Variants in NOVA1 observed in about 807,000 individuals in gnomAD.
The protein encoded by NOVA1 is RNA-binding protein Nova-1.
In NOVA1, 7 loss-of-function variants were observed where a neutral mutation model predicts 38.0. The observed-to-expected ratio is 0.18, with a 90% CI of 0.10 to 0.35. NOVA1 has a LOEUF of 0.35. NOVA1 is among the 10% of genes least tolerant of loss of function. The pLI is 1.00. For missense variants in NOVA1, 460 were observed against 616.0 expected (o/e 0.75, Z 2.68); for synonymous variants, 270 against 232.5 (o/e 1.16, Z -1.47).
chr14:26,597,935 C>T lies in NOVA1; in HGVS notation c.-499G>A, dbSNP rs1441400892. ...GAGAGGAGCGAGCGGCAGAGGAGGG[C>T]AGGAGCCGGGAAGGAGCGCGGCGGT... On this transcript the variant is annotated 5_prime_UTR_variant, in exon 1 of 5. Transcript: ENST00000539517. Among the ~76,000 whole-genome samples, 2 of 151,500 alleles carry T rather than the reference C, an allele frequency of 1.3e-5. No individual in the cohort carries two copies. The highest frequency in any genetic ancestry group is 2.9e-5 in the Non-Finnish European group (2 of 67,824).
At chr14:26,499,488 T>A (rs1183621252) in intron 2 of NOVA1, among the ~76,000 whole-genome samples, 2 of 152,150 alleles carry the variant, frequency 1.3e-5, no homozygotes, top group Non-Finnish European at 2.9e-5. Context: ...TTTTATGCTA[T>A]AGGCTACTGT....
chr14:26,478,534 A>AT (rs1360641813), intron 3 of NOVA1, among the ~76,000 whole-genome samples: 2 of 152,002 alleles, frequency 1.3e-5, no homozygotes, highest in African/African-American at 2.4e-5. Context: ...GCCCCAGGTG[A>AT]TTTTAACCTA....
At chr14:26,488,237 T>A (rs1178144481) in intron 2 of NOVA1, among the ~76,000 whole-genome samples, 1 of 152,202 alleles carries the variant, frequency 6.6e-6, no homozygotes, top group Non-Finnish European at 1.5e-5. Context: ...TTATACAACA[T>A]GTTTTCACAT....
chr14:26,455,038 G>T (rs144178307), intron 4 of NOVA1, among the ~76,000 whole-genome samples: 1 of 152,230 alleles, frequency 6.6e-6, no homozygotes, highest in Non-Finnish European at 1.5e-5. Context: ...GATAAAATAT[G>T]TACAACAGAT....
intron 2 of NOVA1, among the ~76,000 whole-genome samples, chr14:26,541,240 G>C (rs1454732117): frequency 1.3e-5 from 2 of 152,006 alleles, no homozygotes; most frequent in Non-Finnish European, 2.9e-5. Flanking sequence ...TAAAAACCAA[G>C]TATCAATTGA....
At chr14:26,564,860 C>T (rs1036454398) in intron 2 of NOVA1, among the ~76,000 whole-genome samples, 9 of 152,158 alleles carry the variant, frequency 5.9e-5, no homozygotes, top group African/African-American at 2.2e-4. Flanking sequence ...AAAAGATACA[C>T]TTAAACCTTT....
At chr14:26,527,957 T>C (rs1208272260) in intron 2 of NOVA1, among the ~76,000 whole-genome samples, 1 of 152,122 alleles carries the variant, frequency 6.6e-6, no homozygotes, top group Admixed American at 6.5e-5. Context: ...AAAAGGTAAC[T>C]AGAGCCTAAA....
chr14:26,562,169 G>A (rs1247333617), intron 2 of NOVA1, among the ~76,000 whole-genome samples: 1 of 152,110 alleles, frequency 6.6e-6, no homozygotes, highest in Non-Finnish European at 1.5e-5. Flanking sequence ...AGTATGTATT[G>A]TAGGCTTCTG....
At chr14:26,515,314 T>G (rs1345240587) in intron 2 of NOVA1, among the ~76,000 whole-genome samples, 1 of 151,868 alleles carries the variant, frequency 6.6e-6, no homozygotes, top group Non-Finnish European at 1.5e-5. Context: ...AGAAAAAAAA[T>G]TACCTAAGTT....
At chr14:26,476,994 C>T (rs913666167) in intron 3 of NOVA1, among the ~76,000 whole-genome samples, 9 of 151,604 alleles carry the variant, frequency 5.9e-5, no homozygotes, top group Non-Finnish European at 1.2e-4. Flanking sequence ...GGATTACAGG[C>T]GTGAGCCACA....
chr14:26,500,594 G>C (rs1887181266), intron 2 of NOVA1, among the ~76,000 whole-genome samples: 1 of 151,830 alleles, frequency 6.6e-6, no homozygotes, highest in African/African-American at 2.4e-5. Flanking sequence ...AGGGGAATAT[G>C]AAAAGAAATG....
At chr14:26,526,730 G>C (rs1005850129) in intron 2 of NOVA1, among the ~76,000 whole-genome samples, 1 of 152,114 alleles carries the variant, frequency 6.6e-6, no homozygotes, top group Admixed American at 6.5e-5. Flanking sequence ...AAGGGGATAA[G>C]AGCTAAAAAC....
chr14:26,488,099 A>G lies in NOVA1; in HGVS notation c.281-7956T>C, dbSNP rs375847732. Among the ~76,000 whole-genome samples the G allele has an allele frequency of 2.0e-5, 3 of 152,170 alleles. No individual in the cohort carries two copies. In the East Asian group the frequency reaches 5.8e-4, roughly 29 times the overall value. On this transcript the variant is annotated intron_variant, in intron 2 of 4. Coordinates refer to ENST00000539517, the MANE Select transcript of NOVA1 (RefSeq NM_002515.3). Reference sequence around the variant, plus strand: ...AATTGACATCTTATGATGTAAAGTAATAATTGGGTTTCTTCTCTAGGTGAT... The same window carrying G: ...AATTGACATCTTATGATGTAAAGTAGTAATTGGGTTTCTTCTCTAGGTGAT...
intron 1 of NOVA1, 51 bp downstream of exon 1, chr14:26,597,250 G>C (rs1894255135): frequency 8.2e-7 from 1 of 1,215,514 alleles, no homozygotes; most frequent in African/African-American, 1.6e-5. Context: ...GAGGGAGGCA[G>C]GGGCGGGCGG....
intron 2 of NOVA1, among the ~76,000 whole-genome samples, chr14:26,573,834 C>T (rs976423612): frequency 9.2e-5 from 14 of 152,038 alleles, no homozygotes; most frequent in Non-Finnish European, 1.8e-4. Flanking sequence ...ACAGAGCTGG[C>T]TCAACTGAAA....
chr14:26,515,317 C>A (rs1888383855), intron 2 of NOVA1, among the ~76,000 whole-genome samples: 1 of 151,756 alleles, frequency 6.6e-6, no homozygotes, highest in South Asian at 2.1e-4. Context: ...AAAAAAATTA[C>A]CTAAGTTTAA....
intron 2 of NOVA1, among the ~76,000 whole-genome samples, chr14:26,528,449 G>GCCACC (rs1889456054): frequency 6.6e-6 from 1 of 152,124 alleles, no homozygotes; most frequent in East Asian, 1.9e-4. Flanking sequence ...ATATAGTATG[G>GCCACC]GTAAGGTAGA....
chr14:26,576,793 C>T (rs763244052), intron 2 of NOVA1, among the ~76,000 whole-genome samples: 10 of 151,734 alleles, frequency 6.6e-5, no homozygotes, highest in East Asian at 1.9e-4. Flanking sequence ...TGTTTTGATA[C>T]GCATATACAT....
At chr14:26,467,011 C>A (rs1409598436) in intron 4 of NOVA1, among the ~76,000 whole-genome samples, 1 of 152,096 alleles carries the variant, frequency 6.6e-6, no homozygotes, top group African/African-American at 2.4e-5. Flanking sequence ...CCAAAATGGA[C>A]TAAGATAACA....
Sources: gnomAD v4.1 joint callset for allele counts (sites outside exome capture counted in the v4.1 genomes callset) on GRCh38, gnomAD v4.1.1 for gene constraint, MANE v1.5 for transcripts, NCBI Gene and HGNC (gene_info 2026-07-23, HGNC 2026-07-21) for gene names.